Variants in HAUS6 observed in about 807,000 individuals in gnomAD.
HAUS6 encodes HAUS augmin like complex subunit 6.
HAUS6 carries 80 observed loss-of-function variants against 106.8 expected under a neutral mutation model. That is an observed-to-expected ratio of 0.75 (90% CI 0.63 to 0.90). The LOEUF (loss-of-function observed/expected upper bound fraction) is 0.90. Among genes scored for constraint, HAUS6 ranks in the 40% least tolerant of loss-of-function variants. The probability of loss-of-function intolerance (pLI) is 0.00; values close to 1 mark genes in which losing one functional copy is unlikely to be tolerated. For synonymous variants in HAUS6, 356 were observed against 379.1 expected, an observed-to-expected ratio of 0.94 and a Z score of 0.71; for missense variants, 1,155 against 1,118.1, an observed-to-expected ratio of 1.03 and a Z score of -0.47.
At chr9:19,077,326 G>C (rs1358462159) in intron 10 of HAUS6, among the ~76,000 whole-genome samples, 1 of 152,162 alleles carries the variant, frequency 6.6e-6, no homozygotes, top group African/African-American at 2.4e-5. Flanking sequence ...CCTGAAGTCA[G>C]GTATTCGAGA....
intron 7 of HAUS6, among the ~76,000 whole-genome samples, chr9:19,085,447 T>C (rs781200704): frequency 1.3e-5 from 2 of 152,114 alleles, no homozygotes; most frequent in Non-Finnish European, 2.9e-5. Flanking sequence ...GTCTACGAGA[T>C]ACCTAGCACA....
intron 1 of HAUS6, among the ~76,000 whole-genome samples, chr9:19,100,661 G>A (rs749595597): frequency 3.3e-5 from 5 of 152,178 alleles, no homozygotes; most frequent in Non-Finnish European, 7.4e-5. Context: ...CACAATAGTC[G>A]AGATACAGAA....
chr9:19,057,492 A>C (rs1035164814), intron 16 of HAUS6: 10 of 156,396 alleles, frequency 6.4e-5, no homozygotes, highest in Non-Finnish European at 1.4e-4. Context: ...CAGAGACAAT[A>C]AATTTCTGCT....
chr9:19,098,193 C>A (rs1817903327), intron 1 of HAUS6, among the ~76,000 whole-genome samples: 1 of 152,184 alleles, frequency 6.6e-6, no homozygotes, highest in Non-Finnish European at 1.5e-5. Flanking sequence ...GTAATCCCAG[C>A]ATTTTGGGAG....
chr9:19,102,409 C>G, intron 1 of HAUS6, 115 bp downstream of exon 1: 1 of 1,164,566 alleles, frequency 8.6e-7, no homozygotes, highest in African/African-American at 1.5e-5. Context: ...ATGCCTGGCA[C>G]AGAGTAACTG....
chr9:19,073,865 T>C (rs917616921), intron 11 of HAUS6: 4 of 152,106 alleles, frequency 2.6e-5, no homozygotes, highest in Non-Finnish European at 5.9e-5. Flanking sequence ...GCTGCACATA[T>C]ATTAAAATTG....
chr9:19,077,878 T>C (rs1019112217), intron 10 of HAUS6, among the ~76,000 whole-genome samples: 1 of 152,062 alleles, frequency 6.6e-6, no homozygotes, highest in Admixed American at 6.6e-5. Context: ...CTTGGCAATA[T>C]AGGGAGACCC....
chr9:19,089,808 A>G (rs1177458474), intron 4 of HAUS6: 14 of 468,332 alleles, frequency 3.0e-5, no homozygotes, highest in Non-Finnish European at 4.1e-5. Context: ...CCACAAACAT[A>G]TAACAACTAA....
intron 1 of HAUS6, among the ~76,000 whole-genome samples, chr9:19,101,371 G>C (rs1290688763): frequency 6.6e-6 from 1 of 151,290 alleles, no homozygotes; most frequent in Non-Finnish European, 1.5e-5. Flanking sequence ...CGCACCTGTA[G>C]TCCCAGCTAC....
intron 4 of HAUS6, among the ~76,000 whole-genome samples, chr9:19,091,327 A>G (rs915148053): frequency 6.6e-6 from 1 of 151,818 alleles, no homozygotes; most frequent in Admixed American, 6.6e-5. Context: ...AACCACCAAA[A>G]TTTCTAAATA....
chr9:19,090,564 C>G (rs946071350), intron 4 of HAUS6, among the ~76,000 whole-genome samples: 1 of 152,102 alleles, frequency 6.6e-6, no homozygotes, highest in African/African-American at 2.4e-5. Context: ...CGGGTTTCAC[C>G]CTGTTAGCCA....
In HAUS6 at chr9:19,076,616, G is replaced by C; in HGVS notation, c.1280C>G (p.Pro427Arg). ...VYAKSILCQY[P>R]ASLPDAHKQH... ...AAATAACCAACCTGGAAGTGAAGCAGGATACTGACAAAGAATACTCTTTGC... is the reference window on the plus strand; with the variant it reads ...AAATAACCAACCTGGAAGTGAAGCACGATACTGACAAAGAATACTCTTTGC... The change falls in exon 11 of 17, where the codon CCT (proline) becomes CGT (arginine). Residue 427 changes from proline (P) to arginine (R), a missense_variant. Physicochemically the swap from Pro to Arg is moderately radical, Grantham distance 103 (BLOSUM62 -2). Coordinates refer to ENST00000380502, the MANE Select transcript of HAUS6 (RefSeq NM_017645.5). The C allele has an allele frequency of 6.5e-7, 1 of 1,544,414 alleles. No individual in the cohort carries two copies. The highest frequency in any genetic ancestry group is 8.9e-7 in the Non-Finnish European group (1 of 1,119,968).
intron 7 of HAUS6, among the ~76,000 whole-genome samples, chr9:19,083,791 G>C (rs1174735959): frequency 7.7e-6 from 1 of 129,368 alleles, no homozygotes; most frequent in African/African-American, 3.1e-5. Context: ...GACAGAGCAA[G>C]ACTCCATCTC....
At chr9:19,065,641 G>A (rs953886013) in intron 12 of HAUS6, among the ~76,000 whole-genome samples, 2 of 152,122 alleles carry the variant, frequency 1.3e-5, no homozygotes, top group African/African-American at 4.8e-5. Flanking sequence ...AGGAGTTGAA[G>A]ACCAGCCTCG....
chr9:19,094,270 T>C, intron 3 of HAUS6, 47 bp downstream of exon 3: 3 of 1,141,092 alleles, frequency 2.6e-6, no homozygotes, highest in Non-Finnish European at 3.9e-6. Context: ...GTTAAAGTAG[T>C]TTTTAACTTC....
At chr9:19,096,563 T>TAAA (rs1817866626) in intron 2 of HAUS6, 111 bp downstream of exon 2, 1 of 388,872 alleles carries the variant, frequency 2.6e-6, no homozygotes, top group South Asian at 2.5e-5. Flanking sequence ...AGACTCCGTC[T>TAAA]CAAAAAAAAA....
At chr9:19,070,186 A>T (rs1836856706) in intron 12 of HAUS6, 33 bp downstream of exon 12, 3 of 1,171,898 alleles carry the variant, frequency 2.6e-6, no homozygotes, top group Non-Finnish European at 3.8e-6. Context: ...GAGTTTTTTA[A>T]TGTTTAACAA....
chr9:19,078,198 C>T lies in HAUS6; in HGVS notation c.1169G>A (p.Ser390Asn), dbSNP rs1206800517. 6.2e-7 allele frequency: 1 copy of T among 1,606,204 alleles called. No individual in the cohort carries two copies. The highest frequency in any genetic ancestry group is 1.1e-5 in the South Asian group (1 of 90,694). The stretch of plus-strand genomic sequence containing the variant: ...TACTGGAGTCCAACCTTTAATTAGA[C>T]TGAAAGGAGACAAACCAAGAAATTC... ...WKEFLGLSPFSLIKGWTPSVD... is the reference protein window; with the variant it reads ...WKEFLGLSPFNLIKGWTPSVD... The change falls in exon 10 of 17, where the codon AGT becomes AAT. Residue 390 changes from serine to asparagine, a missense_variant. Coordinates refer to ENST00000380502, the MANE Select transcript of HAUS6 (RefSeq NM_017645.5).
chr9:19,064,799 C>T (rs570373306), intron 12 of HAUS6, among the ~76,000 whole-genome samples: 8 of 152,268 alleles, frequency 5.3e-5, no homozygotes, highest in South Asian at 4.1e-4. Flanking sequence ...CAAGCTTCAA[C>T]GTAGCATTGA....
Sources: allele counts gnomAD v4.1 joint callset (sites outside exome capture counted in the v4.1 genomes callset), GRCh38; gene constraint gnomAD v4.1.1; transcripts MANE v1.5; gene names NCBI Gene and HGNC (gene_info 2026-07-23, HGNC 2026-07-21).